NR2F1-AS1: variants seen among roughly 807,000 people sequenced by gnomAD.
The protein encoded by NR2F1-AS1 is NR2F1 regulatory antisense RNA 1.
chr5:93,524,839 C>A (rs1751577457), intron 4 of NR2F1-AS1, among the ~76,000 whole-genome samples: 1 of 152,128 alleles, frequency 6.6e-6, no homozygotes, highest in Non-Finnish European at 1.5e-5. Context: ...GCCGGCCTTA[C>A]AAGAGCTCCT....
chr5:93,442,317 C>G (rs1293585869), intron 4 of NR2F1-AS1, among the ~76,000 whole-genome samples: 2 of 152,166 alleles, frequency 1.3e-5, no homozygotes, highest in African/African-American at 2.4e-5. Flanking sequence ...CAGACGGTAC[C>G]TGGAAAATCG....
At chr5:93,496,116 A>G (rs1273338818) in intron 4 of NR2F1-AS1, 33 of 152,216 alleles carry the variant, frequency 2.2e-4, no homozygotes, top group Non-Finnish European at 2.9e-5. Context: ...ACAAGTAAAT[A>G]AAATCAAAGT....
intron 4 of NR2F1-AS1, among the ~76,000 whole-genome samples, chr5:93,413,188 A>T (rs1411979191): frequency 7.1e-6 from 1 of 140,844 alleles, no homozygotes; most frequent in East Asian, 2.0e-4. Context: ...ATCAGAATAG[A>T]CATATATATG....
intron 4 of NR2F1-AS1, among the ~76,000 whole-genome samples, chr5:93,416,645 T>C (rs967347999): frequency 6.6e-6 from 1 of 152,166 alleles, no homozygotes; most frequent in Non-Finnish European, 1.5e-5. Context: ...TATCATACCA[T>C]TTTTACAAAT....
At position 93,547,700 on chromosome 5, in the gene NR2F1-AS1, C is replaced by G. The variant is rs548540133; in HGVS notation, n.638+6061G>C. 4.6e-5 allele frequency among the ~76,000 whole-genome samples: 7 copies of G among 151,952 alleles called. No individual in the cohort carries two copies. In the South Asian group the frequency reaches 1.5e-3, roughly 32 times the overall value. On this transcript the variant is annotated intron_variant and non_coding_transcript_variant, in intron 4 of 5. Coordinates refer to ENST00000660523, the Ensembl canonical transcript of NR2F1-AS1. ...AATAAAGAACTAACCAAATCCAGGCCAAGGAAGGATTTAACCAGAAATATT... is the reference window on the plus strand; with the variant it reads ...AATAAAGAACTAACCAAATCCAGGCGAAGGAAGGATTTAACCAGAAATATT...
rs1752460904 is a variant in NR2F1-AS1, at chr5:93,560,400, C to T, written n.413+2964G>A. On this transcript the variant is annotated intron_variant and non_coding_transcript_variant, in intron 2 of 5. Coordinates refer to ENST00000660523, the Ensembl canonical transcript of NR2F1-AS1. ...TAAAACTATTTGTCAAAACTCAAAA[C>T]ACATTCAAAACCTAATCTTGGAACT... Among the ~76,000 whole-genome samples the T allele has an allele frequency of 1.3e-5, 2 of 152,194 alleles. 1 individual carries two copies. Among genetic ancestry groups the T allele is most frequent in the East Asian group, 3.8e-4 (2 of 5,204 alleles).
intron 4 of NR2F1-AS1, among the ~76,000 whole-genome samples, chr5:93,494,378 C>G (rs1481733643): frequency 1.3e-5 from 2 of 152,208 alleles, no homozygotes; most frequent in African/African-American, 4.8e-5. Flanking sequence ...CGCCTGTAAT[C>G]TGAGCACTAT....
rs953584457 is a variant in NR2F1-AS1, at chr5:93,437,979, A to G, written n.639-42437T>C. ...TCCATGGTGTTTTTATTTGTCTCTG[A>G]GTAAAGACAGGATATGCTTCTGGGT... On this transcript the variant is annotated intron_variant and non_coding_transcript_variant, in intron 4 of 5. Transcript: ENST00000660523. Among the ~76,000 whole-genome samples the G allele has an allele frequency of 8.5e-5, 13 of 152,298 alleles. No individual in the cohort carries two copies. In the East Asian group the frequency reaches 1.5e-3, roughly 18 times the overall value.
At chr5:93,448,066 G>T (rs1010898292) in intron 4 of NR2F1-AS1, among the ~76,000 whole-genome samples, 1 of 152,118 alleles carries the variant, frequency 6.6e-6, no homozygotes, top group Non-Finnish European at 1.5e-5. Context: ...GAGGGAAGGG[G>T]GAGGGATAGC....
At chr5:93,437,957 A>G (rs909658963) in intron 4 of NR2F1-AS1, among the ~76,000 whole-genome samples, 3 of 152,186 alleles carry the variant, frequency 2.0e-5, no homozygotes, top group Admixed American at 6.5e-5. Flanking sequence ...GTAATTGTCC[A>G]TGGTGTTTTT....
At position 93,466,916 on chromosome 5, in the gene NR2F1-AS1, G is replaced by GT. The variant is rs1169154680; in HGVS notation, n.639-71375_639-71374insA. On this transcript the variant is annotated intron_variant and non_coding_transcript_variant, in intron 4 of 5. Coordinates refer to ENST00000660523, the Ensembl canonical transcript of NR2F1-AS1. ...AATATCCCTTTTTTGGGGGGGGGGG[G>GT]GGTGGACGGAGTCTCACTGTGGTGC... 1.3e-4 allele frequency among the ~76,000 whole-genome samples: 16 copies of GT among 123,102 alleles called. 2 individuals carry two copies. The highest frequency in any genetic ancestry group is 3.3e-4 in the South Asian group (1 of 3,036). The allele number at this position is 123,102 out of a possible 152,430, so 80.8% of individuals were successfully genotyped here.
intron 4 of NR2F1-AS1, among the ~76,000 whole-genome samples, chr5:93,551,673 G>T (rs758844456): frequency 3.9e-5 from 6 of 152,030 alleles, no homozygotes; most frequent in Non-Finnish European, 7.4e-5. Flanking sequence ...TCAAGCAGAA[G>T]GGTCCTTTTC....
chr5:93,528,393 G>T (rs1465463110), intron 4 of NR2F1-AS1, among the ~76,000 whole-genome samples: 2 of 152,156 alleles, frequency 1.3e-5, no homozygotes, highest in Non-Finnish European at 2.9e-5. Flanking sequence ...TAAAAAGTCA[G>T]CAAACAACAG....
chr5:93,585,361 G>A, upstream of NR2F1-AS1: 1 of 1,614,022 alleles, frequency 6.2e-7, no homozygotes, highest in Non-Finnish European at 8.5e-7. Flanking sequence ...TTCAAGAGGA[G>A]CGTCCGCAGG....
intron 3 of NR2F1-AS1, among the ~76,000 whole-genome samples, chr5:93,554,570 G>A (rs1752309571): frequency 6.6e-6 from 1 of 151,978 alleles, no homozygotes; most frequent in Non-Finnish European, 1.5e-5. Flanking sequence ...TTATTATTTA[G>A]AAGAATAAGA....
intron 4 of NR2F1-AS1, among the ~76,000 whole-genome samples, chr5:93,430,861 T>TCATCATCATC (rs1749296804): frequency 6.7e-6 from 1 of 149,522 alleles, no homozygotes; most frequent in African/African-American, 2.5e-5. Flanking sequence ...TCCCTTGCTT[T>TCATCATCATC]ATCATCATCA....
intron 4 of NR2F1-AS1, chr5:93,542,601 A>T (rs1751978879): frequency 6.6e-6 from 1 of 152,198 alleles, no homozygotes; most frequent in Admixed American, 6.5e-5. Context: ...GAATTTTTTT[A>T]AATGCAATCA....
In NR2F1-AS1 at chr5:93,492,689, C is replaced by T. The variant is rs115290557; in HGVS notation, n.638+61072G>A. Among the ~76,000 whole-genome samples the T allele has an allele frequency of 5.0e-3, 758 of 152,196 alleles. 6 individuals are homozygous for T. The highest frequency in any genetic ancestry group is 0.018 in the African/African-American group (737 of 41,530). On this transcript the variant is annotated intron_variant and non_coding_transcript_variant, in intron 4 of 5. Coordinates refer to ENST00000660523, the Ensembl canonical transcript of NR2F1-AS1. Reference sequence around the variant, plus strand: ...GCATATTTTAAAAACACATACACCACGACCAAATGAAGTGTAACTCATGAA... The same window carrying T: ...GCATATTTTAAAAACACATACACCATGACCAAATGAAGTGTAACTCATGAA...
intron 4 of NR2F1-AS1, chr5:93,553,705 C>T (rs946077768): frequency 6.6e-6 from 1 of 152,056 alleles, no homozygotes; most frequent in Non-Finnish European, 1.5e-5. Context: ...GATAATGCTG[C>T]GAAGATAAAA....
Sources: allele counts gnomAD v4.1 joint callset (sites outside exome capture counted in the v4.1 genomes callset), GRCh38; gene constraint gnomAD v4.1.1; transcripts MANE v1.5; gene names NCBI Gene and HGNC (gene_info 2026-07-23, HGNC 2026-07-21).